Variants in EML1 observed in about 807,000 individuals in gnomAD.
EML1 encodes EMAP like 1.
A neutral mutation model predicts 110.4 loss-of-function variants in EML1; 27 were observed. The observed-to-expected ratio is 0.24, with a 90% CI of 0.18 to 0.34. The LOEUF (loss-of-function observed/expected upper bound fraction) is 0.34, where lower values mean the gene tolerates loss of function less well. Ranked by LOEUF, EML1 falls within the 10% of genes least tolerant of loss-of-function variation. The pLI, the probability that EML1 is intolerant of heterozygous loss-of-function variation, is 1.00. For synonymous variants in EML1, 344 were observed against 385.8 expected (o/e 0.89, Z 1.27); for missense variants, 741 against 1,030.9 (o/e 0.72, Z 3.85).
intron 1 of EML1, among the ~76,000 whole-genome samples, chr14:99,753,962 C>T (rs1370172402): frequency 6.6e-6 from 1 of 152,208 alleles, no homozygotes; most frequent in Non-Finnish European, 1.5e-5. Context: ...TGCCAGGTGG[C>T]AAAGCCAGAG....
chr14:99,886,798 C>T (rs941837), intron 4 of EML1, among the ~76,000 whole-genome samples: 46,023 of 152,100 alleles, frequency 0.3, 7,964 homozygotes, highest in South Asian at 0.49. Flanking sequence ...CGCTCTGAGG[C>T]ACAGTGAATA....
chr14:99,871,518 A>G (rs78058711), intron 3 of EML1, among the ~76,000 whole-genome samples: 1 of 141,030 alleles, frequency 7.1e-6, no homozygotes, highest in African/African-American at 2.7e-5. Context: ...GTCTCAAAGG[A>G]AAAAAAAAAA....
intron 1 of EML1, among the ~76,000 whole-genome samples, chr14:99,831,536 G>C (rs1274799930): frequency 1.3e-5 from 2 of 152,174 alleles, no homozygotes; most frequent in African/African-American, 4.8e-5. Context: ...TATTCTAAGA[G>C]AGTAAAATGG....
At chr14:99,848,902 G>T (rs1220613464) in intron 1 of EML1, among the ~76,000 whole-genome samples, 2 of 151,532 alleles carry the variant, frequency 1.3e-5, no homozygotes, top group African/African-American at 4.9e-5. Flanking sequence ...AGTGAAGGCT[G>T]CAGTGAGCTG....
chr14:99,825,395 T>C (rs1595346233), intron 1 of EML1, among the ~76,000 whole-genome samples: 1 of 152,224 alleles, frequency 6.6e-6, no homozygotes, highest in East Asian at 1.9e-4. Flanking sequence ...GTCTGTTTGA[T>C]ACAATGATTT....
chr14:99,931,301 A>G (rs1042827633), intron 17 of EML1, among the ~76,000 whole-genome samples: 1 of 149,132 alleles, frequency 6.7e-6, no homozygotes, highest in African/African-American at 2.5e-5. Context: ...CTTTGCAAGC[A>G]TGCAAGGATT....
intron 1 of EML1, chr14:99,850,218 C>A: frequency 8.6e-7 from 1 of 1,164,250 alleles, no homozygotes; most frequent in Non-Finnish European, 1.1e-6. Context: ...TCTGTGTTCT[C>A]TGGTTGGAGC....
In EML1 at chr14:99,852,200, G is replaced by A. The variant is rs530523138; in HGVS notation, c.250+1165G>A. On this transcript the variant is annotated intron_variant, in intron 2 of 21. Transcript: ENST00000262233. The stretch of plus-strand genomic sequence containing the variant: ...GTCTACATGAACTTGCAAATGGCTC[G>A]TCTTTAGCCAGAATCACTCTTCCTC... Among the ~76,000 whole-genome samples the A allele has an allele frequency of 2.2e-3, 336 of 152,304 alleles. 5 individuals are homozygous for A. The highest frequency in any genetic ancestry group is 6.8e-3 in the Middle Eastern group (2 of 294).
At chr14:99,785,236 G>A (rs2057585791) in intron 1 of EML1, among the ~76,000 whole-genome samples, 1 of 152,080 alleles carries the variant, frequency 6.6e-6, no homozygotes, top group Non-Finnish European at 1.5e-5. Context: ...TGTATTTTTA[G>A]TAGAGATGGG....
intron 1 of EML1, among the ~76,000 whole-genome samples, chr14:99,849,612 A>C (rs565894312): frequency 5.3e-5 from 8 of 151,526 alleles, no homozygotes; most frequent in Admixed American, 4.6e-4. Flanking sequence ...CAGTGGTGCA[A>C]TCTTGGCTCA....
intron 1 of EML1, among the ~76,000 whole-genome samples, chr14:99,742,843 CG>C (rs2057059004): frequency 6.6e-6 from 1 of 152,104 alleles, no homozygotes; most frequent in Admixed American, 6.5e-5. Context: ...GGGTATTGGA[CG>C]GGATGACTCC....
At chr14:99,881,187 G>A (rs1217036451) in intron 4 of EML1, among the ~76,000 whole-genome samples, 1 of 152,166 alleles carries the variant, frequency 6.6e-6, no homozygotes, top group Non-Finnish European at 1.5e-5. Flanking sequence ...GCTAGTTAGG[G>A]TGCATGTGAG....
At chr14:99,889,848 A>G (rs1233458593) in intron 4 of EML1, among the ~76,000 whole-genome samples, 2 of 152,170 alleles carry the variant, frequency 1.3e-5, no homozygotes, top group Non-Finnish European at 2.9e-5. Flanking sequence ...ATTTTCAATG[A>G]CCATAGTTTA....
In EML1 at chr14:99,781,160, C is replaced by A. The variant is rs1055346107; in HGVS notation, c.-27+7147C>A. Among the ~76,000 whole-genome samples the A allele has an allele frequency of 2.6e-5, 4 of 152,078 alleles. No individual in the cohort carries two copies. The highest frequency in any genetic ancestry group is 9.7e-5 in the African/African-American group (4 of 41,398). Reference sequence around the variant, plus strand: ...CACTGGCCGCCTCCCTTCTCCTTGACTCGTCCCCAGCTTCTAATTCTTTCC... The same window carrying A: ...CACTGGCCGCCTCCCTTCTCCTTGAATCGTCCCCAGCTTCTAATTCTTTCC... On this transcript the variant is annotated intron_variant, in intron 1 of 22. Coordinates refer to the EML1 transcript ENST00000327921. The surrounding 1 kb of genome is among the most constrained non-coding windows in gnomAD (Gnocchi z 4.2).
At chr14:99,891,163 C>T in intron 4 of EML1, 36 bp from the exon 5 acceptor site, 1 of 1,614,066 alleles carries the variant, frequency 6.2e-7, no homozygotes, top group South Asian at 1.1e-5. Context: ...ACACCCACAG[C>T]ACCCTTTAAA....
Position 99,746,826 on chromosome 14 carries a change from G to A in EML1, c.28+8966G>A, listed in dbSNP as rs193013055. On this transcript the variant is annotated intron_variant, in intron 1 of 10. Transcript: ENST00000554479. Reference sequence around the variant, plus strand: ...GCCTTGTCCTGTGTCCCCACCCCTCGAGCAGGGCTCCTCCCACCCAGGGCT... The same window carrying A: ...GCCTTGTCCTGTGTCCCCACCCCTCAAGCAGGGCTCCTCCCACCCAGGGCT... Among the ~76,000 whole-genome samples the A allele has an allele frequency of 6.6e-5, 10 of 152,234 alleles. No homozygotes were observed. In the East Asian group the frequency reaches 1.7e-3, roughly 27 times the overall value.
chr14:99,838,131 T>G (rs1322407385), intron 1 of EML1, among the ~76,000 whole-genome samples: 2 of 152,148 alleles, frequency 1.3e-5, no homozygotes, highest in Admixed American at 1.3e-4. Context: ...TTTATCTCAA[T>G]TATTAAAGGA....
Position 99,776,790 on chromosome 14 carries a change from C to T in EML1, c.-27+2777C>T, listed in dbSNP as rs114419716. 3.4e-3 allele frequency among the ~76,000 whole-genome samples: 518 copies of T among 152,238 alleles called. 4 individuals carry two copies. The highest frequency in any genetic ancestry group is 0.012 in the African/African-American group (507 of 41,524). On this transcript the variant is annotated intron_variant, in intron 1 of 22. Coordinates refer to the EML1 transcript ENST00000327921. ...TCAGCTACCTTTCCTACAGCCACGT[C>T]GATTTCTCAACAGAGTGGCCAGTAT...
rs112247256 is a variant in EML1 at position 99,798,109 on chromosome 14, G to A, written c.67+4566G>A. Among the ~76,000 whole-genome samples the A allele has an allele frequency of 3.1e-3, 465 of 152,268 alleles. 2 individuals are homozygous for A. Among genetic ancestry groups the A allele is most frequent in the African/African-American group, 0.011 (449 of 41,554 alleles). ...TCCTACAAGCAGTGAAAAATCAGCC[G>A]AAGTTGTGTTCCTTGGGTCCGTAGA... is the stretch of plus-strand genomic sequence containing the variant. On this transcript the variant is annotated intron_variant, in intron 1 of 21. Transcript: ENST00000262233.
Sources: gnomAD v4.1 joint callset for allele counts (sites outside exome capture counted in the v4.1 genomes callset) on GRCh38, gnomAD v4.1.1 for gene constraint, Gnocchi (gnomAD v3.1) non-coding constraint, MANE v1.5 for transcripts, NCBI Gene and HGNC (gene_info 2026-07-23, HGNC 2026-07-21) for gene names.